Variants in FAM13C observed in about 807,000 individuals in gnomAD.
The protein encoded by FAM13C is family with sequence similarity 13 member C, also known as protein FAM13C.
FAM13C carries 37 observed loss-of-function variants against 73.2 expected under a neutral mutation model. The observed-to-expected ratio is 0.51, with a 90% CI of 0.39 to 0.67. The LOEUF (loss-of-function observed/expected upper bound fraction) is 0.67, where lower values mean the gene tolerates loss of function less well. Among genes scored for constraint, FAM13C ranks in the 30% least tolerant of loss-of-function variants. The pLI is 0.00. For missense variants in FAM13C, 589 were observed against 715.6 expected (o/e 0.82, Z 2.02); for synonymous variants, 246 against 260.9 (o/e 0.94, Z 0.55).
In FAM13C at chr10:59,360,087, A is replaced by G. The variant is rs554090923; in HGVS notation, c.62+2312T>C. On this transcript the variant is annotated intron_variant, in intron 1 of 13. Coordinates refer to ENST00000618804, the MANE Select transcript of FAM13C (RefSeq NM_198215.4). ...AGGGCTGGGAAAAACCAAGAAGAAA[A>G]TAAAATCTGTCCTTGAGTCCCTCCC... Among the ~76,000 whole-genome samples, 10 of 152,308 alleles carry G rather than the reference A, an allele frequency of 6.6e-5. No homozygotes were observed. The South Asian group carries it at 2.1e-3, about 32-fold the overall frequency.
intron 6 of FAM13C, among the ~76,000 whole-genome samples, chr10:59,274,318 C>T (rs959193575): frequency 2.0e-5 from 3 of 152,094 alleles, no homozygotes; most frequent in African/African-American, 7.2e-5. Flanking sequence ...CATGGGTAAA[C>T]CTGAAGTCAT....
intron 13 of FAM13C, 182 bp downstream of exon 13, chr10:59,251,393 A>G (rs1205882946): frequency 1.6e-6 from 1 of 610,182 alleles, no homozygotes; most frequent in African/African-American, 1.9e-5. Flanking sequence ...ACCATGTCCC[A>G]TGAAACATCC....
intron 12 of FAM13C, among the ~76,000 whole-genome samples, chr10:59,252,242 C>A (rs1841454573): frequency 6.6e-6 from 1 of 152,076 alleles, no homozygotes; most frequent in South Asian, 2.1e-4. Flanking sequence ...CACAAGCATA[C>A]CCAAACTCAT....
At chr10:59,274,730 T>C (rs1844133921) in intron 6 of FAM13C, among the ~76,000 whole-genome samples, 1 of 152,174 alleles carries the variant, frequency 6.6e-6, no homozygotes, top group South Asian at 2.1e-4. Context: ...CTCATTGAAT[T>C]TGAGCAATAA....
rs375718041 is a variant in FAM13C at position 59,253,010 on chromosome 10, C to A, written c.1333-12G>T. ...TCCTCTTCCTCCTGCTTATCACAGG[C>A]AGAGTTAAAGAAAGAAAGTCATGTA... is the stretch of plus-strand genomic sequence containing the variant. On this transcript the variant is annotated splice_polypyrimidine_tract_variant and intron_variant, in intron 11 of 13. Coordinates refer to ENST00000618804, the MANE Select transcript of FAM13C (RefSeq NM_198215.4). 2 of 1,612,520 alleles carry A rather than the reference C, an allele frequency of 1.2e-6. No homozygotes were observed. Among genetic ancestry groups the A allele is most frequent in the African/African-American group, 1.3e-5 (1 of 74,856 alleles).
intron 2 of FAM13C, among the ~76,000 whole-genome samples, chr10:59,354,705 A>G (rs1003884960): frequency 6.6e-6 from 1 of 152,244 alleles, no homozygotes; most frequent in Admixed American, 6.5e-5. Context: ...AAGGAAAAAA[A>G]AAGGAGAGAG....
intron 4 of FAM13C, among the ~76,000 whole-genome samples, chr10:59,311,067 A>G (rs10219081): frequency 0.15 from 22,070 of 152,114 alleles, 1,829 homozygotes; most frequent in African/African-American, 0.23. Flanking sequence ...CACATTCCCA[A>G]AGAGAGAAAG....
chr10:59,313,103 T>C (rs188831128), intron 4 of FAM13C, among the ~76,000 whole-genome samples: 18 of 152,278 alleles, frequency 1.2e-4, no homozygotes, highest in Admixed American at 3.9e-4. Flanking sequence ...AAGTCAAAAC[T>C]TGAGGGGGAA....
chr10:59,253,448 C>T (rs1775157490), intron 11 of FAM13C, among the ~76,000 whole-genome samples: 1 of 152,206 alleles, frequency 6.6e-6, no homozygotes, highest in African/African-American at 2.4e-5. Flanking sequence ...CATTCAGATA[C>T]AGAGGATACT....
intron 1 of FAM13C, among the ~76,000 whole-genome samples, chr10:59,358,716 A>C (rs1009735199): frequency 6.6e-6 from 1 of 152,206 alleles, no homozygotes; most frequent in Non-Finnish European, 1.5e-5. Flanking sequence ...TTGATTTATT[A>C]ATCTTTCTCC....
At chr10:59,303,038 C>G (rs1847782998) in intron 4 of FAM13C, among the ~76,000 whole-genome samples, 174 bp from the exon 5 acceptor site, 1 of 152,152 alleles carries the variant, frequency 6.6e-6, no homozygotes, top group African/African-American at 2.4e-5. Flanking sequence ...CATTATAGCA[C>G]TTGAACCCTG....
At chr10:59,275,256 T>C (rs1016490990) in intron 6 of FAM13C, among the ~76,000 whole-genome samples, 1 of 152,150 alleles carries the variant, frequency 6.6e-6, no homozygotes, top group African/African-American at 2.4e-5. Flanking sequence ...CAAGAATGAT[T>C]CATCTCAAGT....
At position 59,270,115 on chromosome 10, in the gene FAM13C, C is replaced by T; in HGVS notation, c.593-6G>A. On this transcript the variant is annotated splice_region_variant and splice_polypyrimidine_tract_variant and intron_variant, in intron 6 of 13. Transcript: ENST00000618804. Reference sequence around the variant, plus strand: ...TTTGTGGACTGGTGAGGGGTCTGGGCAAATGAGACAAATCATCAAGACTTA... The same window carrying T: ...TTTGTGGACTGGTGAGGGGTCTGGGTAAATGAGACAAATCATCAAGACTTA... The T allele has an allele frequency of 6.2e-7, 1 of 1,610,726 alleles. No homozygotes were observed. Among genetic ancestry groups the T allele is most frequent in the South Asian group, 1.1e-5 (1 of 90,914 alleles).
intron 1 of FAM13C, among the ~76,000 whole-genome samples, chr10:59,356,558 A>G (rs1026877608): frequency 6.6e-6 from 1 of 152,198 alleles, no homozygotes; most frequent in South Asian, 2.1e-4. Context: ...CCTGTTCCCA[A>G]CCATTCCCAC....
rs147832265 is a variant in FAM13C at position 59,252,971 on chromosome 10, G to T, written c.1360C>A (p.Arg454Ser). The T allele has an allele frequency of 1.2e-6, 2 of 1,613,764 alleles. No individual in the cohort carries two copies. The highest frequency in any genetic ancestry group is 1.7e-6 in the Non-Finnish European group (2 of 1,179,954). ...IQEEEDSDED[R>S]PQGSQQPSLA... ...GAAGGTTGTTGGCTTCCCTGTGGAC[G>T]GTCTTCATCAGAGTCCTCTTCCTCC... Residue 454 changes from arginine (R) to serine (S), a missense_variant, in exon 12 of 14, where the codon CGT becomes AGT. Arg to Ser is a moderately radical substitution (Grantham distance 110). Coordinates refer to ENST00000618804, the MANE Select transcript of FAM13C (RefSeq NM_198215.4).
At position 59,362,463 on chromosome 10, in the gene FAM13C, G is replaced by C; in HGVS notation, c.-3C>G. On this transcript the variant is annotated 5_prime_UTR_variant, in exon 1 of 14. Transcript: ENST00000618804. Reference sequence around the variant, plus strand: ...CTGAAACAGAAACAAGAAAACATCAGCCAAGTCTGGCCGGGGAGCCGTCTC... The same window carrying C: ...CTGAAACAGAAACAAGAAAACATCACCCAAGTCTGGCCGGGGAGCCGTCTC... 6.2e-7 allele frequency: 1 copy of C among 1,612,868 alleles called. No individual in the cohort carries two copies. The highest frequency in any genetic ancestry group is 8.5e-7 in the Non-Finnish European group (1 of 1,179,472).
At chr10:59,345,552 T>C (rs76877862) in intron 3 of FAM13C, among the ~76,000 whole-genome samples, 2,422 of 152,276 alleles carry the variant, frequency 0.016, 63 homozygotes, top group African/African-American at 0.055. Context: ...CTCCTAAAAA[T>C]ACCATTTTTC....
chr10:59,362,705 G>A, upstream of FAM13C: 2 of 762,642 alleles, frequency 2.6e-6, no homozygotes, highest in South Asian at 2.1e-5. Flanking sequence ...CGGCGGGGCT[G>A]GGACCCCGGG....
upstream of FAM13C, chr10:59,362,574 A>T (rs1856549232): frequency 6.5e-7 from 1 of 1,540,052 alleles, no homozygotes; most frequent in Non-Finnish European, 8.7e-7. Context: ...CGCTCGCTCT[A>T]CCTTGGGCTG....
Sources: allele counts gnomAD v4.1 joint callset (sites outside exome capture counted in the v4.1 genomes callset), GRCh38; gene constraint gnomAD v4.1.1; transcripts MANE v1.5; gene names NCBI Gene and HGNC (gene_info 2026-07-23, HGNC 2026-07-21).